The following CLPB variants were observed in gnomAD, a reference collection of about 807,000 sequenced individuals.
The protein encoded by CLPB is ClpB family mitochondrial disaggregase.
In CLPB, 40 loss-of-function variants were observed where a neutral mutation model predicts 78.4. That is an observed-to-expected ratio of 0.51 (90% confidence interval 0.40 to 0.66). The LOEUF is 0.66. CLPB is among the 30% of genes least tolerant of loss of function. The probability of loss-of-function intolerance (pLI) is 0.00; values close to 1 mark genes in which losing one functional copy is unlikely to be tolerated. For missense variants in CLPB, 780 were observed against 886.9 expected (o/e 0.88, Z 1.53); for synonymous variants, 333 against 348.0 (o/e 0.96, Z 0.48).
At chr11:72,302,264 C>T in intron 10 of CLPB, 40 bp downstream of exon 10, 1 of 1,603,164 alleles carries the variant, frequency 6.2e-7, no homozygotes, top group Non-Finnish European at 8.5e-7. Flanking sequence ...GCTGACAAGC[C>T]CTCCAAACCA....
chr11:72,307,130 A>T, intron 9 of CLPB, 69 bp downstream of exon 9: 2 of 1,434,724 alleles, frequency 1.4e-6, no homozygotes, highest in Non-Finnish European at 2.0e-6. Context: ...AGAGGGTCAG[A>T]TTTTTTGGGA....
At chr11:72,388,250 C>CAT (rs1226580335) in intron 3 of CLPB, among the ~76,000 whole-genome samples, 2 of 138,112 alleles carry the variant, frequency 1.4e-5, no homozygotes, top group African/African-American at 5.5e-5. Flanking sequence ...TTCCCTTCCC[C>CAT]TTTTTTTTTT....
At chr11:72,411,812 C>G (rs986753483) in intron 2 of CLPB, 2 of 152,274 alleles carry the variant, frequency 1.3e-5, no homozygotes, top group Non-Finnish European at 2.9e-5. Context: ...TTTCCGGATC[C>G]TTCACATGAA....
chr11:72,325,788 C>G (rs1950123348), intron 6 of CLPB, among the ~76,000 whole-genome samples: 1 of 152,120 alleles, frequency 6.6e-6, no homozygotes, highest in African/African-American at 2.4e-5. Flanking sequence ...TGTGGCTGGA[C>G]AGTGCACACT....
intron 4 of CLPB, among the ~76,000 whole-genome samples, chr11:72,367,394 C>T (rs1950964042): frequency 6.6e-6 from 1 of 152,162 alleles, no homozygotes; most frequent in African/African-American, 2.4e-5. Flanking sequence ...GAAATCCTGA[C>T]CTCAAGTTAT....
chr11:72,388,561 T>G (rs1416262791), intron 3 of CLPB, among the ~76,000 whole-genome samples: 1 of 152,170 alleles, frequency 6.6e-6, no homozygotes, highest in Non-Finnish European at 1.5e-5. Context: ...CTCCCTTCAC[T>G]TTTAATAATA....
chr11:72,353,675 T>C (rs994915707), intron 5 of CLPB, among the ~76,000 whole-genome samples: 12 of 152,200 alleles, frequency 7.9e-5, no homozygotes, highest in African/African-American at 2.7e-4. Context: ...TAAGTGAGAC[T>C]GGACCCAAAT....
chr11:72,401,695 C>G (rs1308932810), intron 3 of CLPB, among the ~76,000 whole-genome samples: 1 of 152,236 alleles, frequency 6.6e-6, no homozygotes, highest in East Asian at 1.9e-4. Context: ...ACCTTAAACA[C>G]CTACTTGCAG....
At chr11:72,393,759 T>C (rs1046509629) in intron 3 of CLPB, among the ~76,000 whole-genome samples, 3 of 152,248 alleles carry the variant, frequency 2.0e-5, no homozygotes, top group African/African-American at 7.2e-5. Flanking sequence ...AGACTTTACT[T>C]TTAGTATTGC....
intron 3 of CLPB, among the ~76,000 whole-genome samples, chr11:72,383,471 C>T (rs1248552543): frequency 2.0e-5 from 3 of 148,086 alleles, no homozygotes; most frequent in Non-Finnish European, 4.4e-5. Flanking sequence ...GCAGAGCTTG[C>T]AGTGAGCCAA....
Position 72,294,109 on chromosome 11 carries a change from G to A in CLPB, c.1698C>T (p.Asn566=), listed in dbSNP as rs199965220. The change falls in exon 15 of 16, where the codon AAC becomes AAT. Residue 566 remains asparagine, a synonymous_variant. Coordinates refer to ENST00000538039, the MANE Select transcript of CLPB (RefSeq NM_001258392.3). The part of the protein sequence containing the change: ...FWAKRAKQRH[N]ITLLWDREVA... ...CCTCGCGGTCCCAGAGCAGCGTGAT[G>A]TTGTGCCTTTGCTTGGCCTGAGATG... 2.3e-5 allele frequency: 37 copies of A among 1,614,140 alleles called. No homozygotes were observed. In the East Asian group the frequency reaches 5.8e-4, roughly 25 times the overall value.
intron 7 of CLPB, among the ~76,000 whole-genome samples, chr11:72,309,422 G>A (rs1161079839): frequency 2.0e-5 from 3 of 152,170 alleles, no homozygotes; most frequent in African/African-American, 4.8e-5. Flanking sequence ...TCAAGTATAC[G>A]AGTGGGGGTG....
chr11:72,353,013 GGACA>G (rs1473885479), intron 5 of CLPB: 1 of 152,222 alleles, frequency 6.6e-6, no homozygotes, highest in Non-Finnish European at 1.5e-5. Flanking sequence ...CTTCAACAGA[GGACA>G]GACAGCCTGA....
Position 72,403,113 on chromosome 11 carries a change from A to C in CLPB, c.456-61T>G. 2.0e-6 allele frequency: 3 copies of C among 1,474,984 alleles called. No homozygotes were observed. The South Asian group carries it at 3.4e-5, about 17-fold the overall frequency. 91.4% of individuals were successfully genotyped at this position (1,474,984 alleles called of 1,614,324 possible). Reference sequence around the variant, plus strand: ...CTTGACATCTGCACCTTCTGACAACAGCCTAAAACAAGACAGAGGAATATT... The same window carrying C: ...CTTGACATCTGCACCTTCTGACAACCGCCTAAAACAAGACAGAGGAATATT... On this transcript the variant is annotated intron_variant, in intron 2 of 15. Transcript: ENST00000538039.
At chr11:72,311,152 A>G (rs1469501853) in intron 7 of CLPB, 1 of 152,200 alleles carries the variant, frequency 6.6e-6, no homozygotes, top group Non-Finnish European at 1.5e-5. Context: ...AGTCTGACAG[A>G]ATGAAAAATG....
At chr11:72,387,411 C>G (rs991579026) in intron 3 of CLPB, among the ~76,000 whole-genome samples, 1 of 151,730 alleles carries the variant, frequency 6.6e-6, no homozygotes, top group Non-Finnish European at 1.5e-5. Flanking sequence ...TGTACCTGAC[C>G]CTGTGGCTGG....
At chr11:72,414,565 C>T (rs1440652766) in intron 2 of CLPB, among the ~76,000 whole-genome samples, 1 of 152,230 alleles carries the variant, frequency 6.6e-6, no homozygotes, top group Non-Finnish European at 1.5e-5. Context: ...AAAGGTGTGG[C>T]CTTCACTCAC....
intron 4 of CLPB, among the ~76,000 whole-genome samples, chr11:72,362,182 C>T (rs914429254): frequency 2.0e-5 from 3 of 152,236 alleles, no homozygotes; most frequent in African/African-American, 4.8e-5. Flanking sequence ...TCCAATACAG[C>T]GCTAGGCCTC....
chr11:72,426,698 A>G (rs1420433005), intron 2 of CLPB, among the ~76,000 whole-genome samples: 3 of 152,228 alleles, frequency 2.0e-5, no homozygotes, highest in Non-Finnish European at 2.9e-5. Flanking sequence ...AAAACAAGTA[A>G]GTGCCGCTGT....
Sources: gnomAD v4.1 joint callset for allele counts (sites outside exome capture counted in the v4.1 genomes callset) on GRCh38, gnomAD v4.1.1 for gene constraint, MANE v1.5 for transcripts, NCBI Gene and HGNC (gene_info 2026-07-23, HGNC 2026-07-21) for gene names.